Variants in ADAM22 observed in about 807,000 individuals in gnomAD.
ADAM22 encodes disintegrin and metalloproteinase domain-containing protein 22.
In ADAM22, 65 loss-of-function variants were observed where a neutral mutation model predicts 144.6. The observed-to-expected ratio is 0.45, with a 90% confidence interval of 0.37 to 0.55. The LOEUF (loss-of-function observed/expected upper bound fraction) is 0.55. Ranked by LOEUF, ADAM22 falls within the 20% of genes least tolerant of loss-of-function variation. The pLI is 0.00. For synonymous variants in ADAM22, 391 were observed against 412.6 expected, an observed-to-expected ratio of 0.95 and a Z score of 0.63; for missense variants, 974 against 1,184.9, an observed-to-expected ratio of 0.82 and a Z score of 2.61.
chr7:88,160,608 GT>G (rs1432369557), intron 22 of ADAM22, among the ~76,000 whole-genome samples: 4 of 151,912 alleles, frequency 2.6e-5, no homozygotes, highest in Non-Finnish European at 5.9e-5. Flanking sequence ...AAGTAATGGG[GT>G]ACTGGGTATA....
intron 25 of ADAM22, among the ~76,000 whole-genome samples, chr7:88,169,677 G>T (rs1843796059): frequency 6.6e-6 from 1 of 152,020 alleles, no homozygotes; most frequent in Non-Finnish European, 1.5e-5. Flanking sequence ...ATAACATTTG[G>T]AGTTATCAAA....
intron 2 of ADAM22, among the ~76,000 whole-genome samples, chr7:87,959,054 A>C (rs1430650422): frequency 6.6e-6 from 1 of 151,988 alleles, no homozygotes; most frequent in Non-Finnish European, 1.5e-5. Context: ...TGTGGAATTT[A>C]CTATAGTTTT....
At chr7:88,063,439 C>T (rs1810412107) in intron 3 of ADAM22, among the ~76,000 whole-genome samples, 2 of 152,056 alleles carry the variant, frequency 1.3e-5, no homozygotes, top group South Asian at 4.1e-4. Context: ...GGATCATTCA[C>T]CATGGTAGTG....
intron 3 of ADAM22, among the ~76,000 whole-genome samples, chr7:87,982,819 C>T (rs576122840): frequency 8.7e-4 from 130 of 150,032 alleles, no homozygotes; most frequent in Non-Finnish European, 1.3e-3. Context: ...CTGAGCCTCC[C>T]GAGTAGCTGG....
intron 3 of ADAM22, among the ~76,000 whole-genome samples, chr7:87,990,904 T>A (rs1584868254): frequency 6.6e-6 from 1 of 152,208 alleles, no homozygotes; most frequent in Non-Finnish European, 1.5e-5. Flanking sequence ...CCTCAAGTGA[T>A]CCATTTGCCT....
chr7:87,944,719 C>T (rs1335863557), intron 2 of ADAM22, among the ~76,000 whole-genome samples: 1 of 151,850 alleles, frequency 6.6e-6, no homozygotes, highest in East Asian at 1.9e-4. Flanking sequence ...ATCCTTCTGG[C>T]TCAACTAGAA....
chr7:88,187,956 A>T (rs1848683349), intron 30 of ADAM22, among the ~76,000 whole-genome samples: 1 of 151,468 alleles, frequency 6.6e-6, no homozygotes, highest in Non-Finnish European at 1.5e-5. Context: ...TGCTTGTCCC[A>T]CACTTTCCCA....
chr7:88,080,154 C>A (rs1229128657), intron 4 of ADAM22, among the ~76,000 whole-genome samples: 1 of 152,206 alleles, frequency 6.6e-6, no homozygotes, highest in Non-Finnish European at 1.5e-5. Flanking sequence ...GTCTCCCAGA[C>A]CACAGTGCAA....
At chr7:88,060,775 A>AC (rs1053173577) in intron 3 of ADAM22, among the ~76,000 whole-genome samples, 47 of 151,326 alleles carry the variant, frequency 3.1e-4, no homozygotes, top group African/African-American at 1.0e-3. Flanking sequence ...TCAAAAAAAA[A>AC]AAAAAACAAA....
At chr7:87,971,184 T>G (rs1850363303) in intron 2 of ADAM22, among the ~76,000 whole-genome samples, 1 of 152,236 alleles carries the variant, frequency 6.6e-6, no homozygotes, top group Non-Finnish European at 1.5e-5. Flanking sequence ...GAAATGGAAT[T>G]CTAAAGATTG....
chr7:88,005,801 A>G (rs955674257), intron 3 of ADAM22, among the ~76,000 whole-genome samples: 1 of 152,208 alleles, frequency 6.6e-6, no homozygotes, highest in Non-Finnish European at 1.5e-5. Context: ...AAAAAAATAT[A>G]AAATTATGAT....
rs760350424 is a variant in ADAM22, at chr7:88,143,061, T to C, written c.1256T>C (p.Ile419Thr). The C allele has an allele frequency of 1.2e-6, 2 of 1,612,884 alleles. No homozygotes were observed. Among genetic ancestry groups the C allele is most frequent in the South Asian group, 1.1e-5 (1 of 90,972 alleles). The change falls in exon 15 of 32, where the codon ATT (isoleucine) becomes ACT (threonine). Residue 419 changes from isoleucine to threonine, a missense_variant. Ile to Thr is a moderately conservative substitution (Grantham distance 89, BLOSUM62 -1). Transcript: ENST00000413139. ...CCTAAAAAGTTCACCCAGTGTAATATTGAAGAGTATCATGACTTCCTGAAT... is the reference window on the plus strand; with the variant it reads ...CCTAAAAAGTTCACCCAGTGTAATACTGAAGAGTATCATGACTTCCTGAAT... ...YLPKKFTQCN[I>T]EEYHDFLNSG...
At chr7:88,109,440 C>T (rs1414843431) in intron 5 of ADAM22, among the ~76,000 whole-genome samples, 4 of 152,186 alleles carry the variant, frequency 2.6e-5, no homozygotes, top group Non-Finnish European at 5.9e-5. Context: ...TAAATCGTTT[C>T]ATTTCCTTCT....
chr7:87,993,548 C>T (rs940578633), intron 3 of ADAM22, among the ~76,000 whole-genome samples: 2 of 152,158 alleles, frequency 1.3e-5, no homozygotes, highest in Non-Finnish European at 2.9e-5. Context: ...TTATAGCTTC[C>T]TTCTGTCAGA....
At chr7:88,031,317 G>A (rs1035910645) in intron 3 of ADAM22, among the ~76,000 whole-genome samples, 3 of 152,200 alleles carry the variant, frequency 2.0e-5, no homozygotes, top group Non-Finnish European at 4.4e-5. Context: ...TGAAGGTTCA[G>A]AAGAAGAGAG....
At chr7:88,145,584 T>C in intron 17 of ADAM22, 77 bp downstream of exon 17, 1 of 1,168,244 alleles carries the variant, frequency 8.6e-7, no homozygotes, top group Non-Finnish European at 1.3e-6. Context: ...GTAAATATAA[T>C]CTAATAACAG....
chr7:88,162,406 T>C (rs1841953453), intron 22 of ADAM22, among the ~76,000 whole-genome samples: 2 of 152,004 alleles, frequency 1.3e-5, no homozygotes, highest in African/African-American at 4.8e-5. Context: ...AGCTGGATGA[T>C]GAAATATTCT....
In ADAM22 at chr7:88,113,695, AATAAATAAATATAT is replaced by A. The variant is rs1440369702; in HGVS notation, c.474-885_474-872del. On this transcript the variant is annotated intron_variant, in intron 5 of 31. Transcript: ENST00000413139. ...ATATATAATATATATATTATAAATAAATAAATAAATATATATATATATATATATATATATATATA... is the reference window on the plus strand; with the variant it reads ...ATATATAATATATATATTATAAATAAATATATATATATATATATATATATA... Among the ~76,000 whole-genome samples the A allele has an allele frequency of 9.8e-4, 51 of 52,266 alleles. 2 individuals are homozygous for A. Among genetic ancestry groups the A allele is most frequent in the African/African-American group, 3.7e-3 (41 of 11,184 alleles). The allele number at this position is 52,266 out of a possible 152,430, so 34.3% of individuals were successfully genotyped here. A position where few individuals can be genotyped will look rare whatever the true frequency, so the allele number is the denominator to read the frequency against.
intron 25 of ADAM22, among the ~76,000 whole-genome samples, chr7:88,169,841 C>T (rs1391097661): frequency 6.6e-6 from 1 of 152,026 alleles, no homozygotes; most frequent in Non-Finnish European, 1.5e-5. Context: ...GTTGAAGTAG[C>T]TCAGTTGTTT....
Sources: allele counts gnomAD v4.1 joint callset (sites outside exome capture counted in the v4.1 genomes callset), GRCh38; gene constraint gnomAD v4.1.1; transcripts MANE v1.5; gene names NCBI Gene and HGNC (gene_info 2026-07-23, HGNC 2026-07-21).